SAMD3: variants seen among roughly 807,000 people sequenced by gnomAD.
SAMD3 encodes the protein sterile alpha motif domain containing 3.
A neutral mutation model predicts 58.5 loss-of-function variants in SAMD3; 63 were observed. The observed-to-expected ratio is 1.08, with a 90% CI of 0.88 to 1.33. The LOEUF is 1.33. SAMD3 is among the 40% of genes most tolerant of loss of function. SAMD3 has a pLI of 0.00. For missense variants in SAMD3, 604 were observed against 608.4 expected (o/e 0.99, Z 0.08); for synonymous variants, 220 against 210.3 (o/e 1.05, Z -0.40).
intron 2 of SAMD3, among the ~76,000 whole-genome samples, chr6:130,292,453 A>C (rs1386210191): frequency 6.8e-6 from 1 of 147,150 alleles, no homozygotes; most frequent in Admixed American, 6.8e-5. Flanking sequence ...TGCCCGGCTA[A>C]TTTTTGTATT....
intron 1 of SAMD3, among the ~76,000 whole-genome samples, chr6:130,331,905 G>A (rs939288015): frequency 6.6e-6 from 1 of 152,174 alleles, no homozygotes; most frequent in Non-Finnish European, 1.5e-5. Context: ...CCTGGACATC[G>A]AGGTGAAGTA....
At chr6:130,226,356 T>A (rs972607249), upstream of SAMD3, among the ~76,000 whole-genome samples, 1 of 152,226 alleles carries the variant, frequency 6.6e-6, no homozygotes. Context: ...GTTCTTATAG[T>A]ATTTCTAATC....
rs1423735345 is a variant in SAMD3, at chr6:130,153,662, A to ATATATATATATATATATT, written c.1023+1162_1023+1163insAATATATATATATATATA. On this transcript the variant is annotated intron_variant, in intron 9 of 11. Transcript: ENST00000439090. ...CATTAAATTTCATATATATATATAT[A>ATATATATATATATATATT]TATTTATTTATTTATTTATTTTTTA... Among the ~76,000 whole-genome samples, 3 of 131,266 alleles carry ATATATATATATATATATT rather than the reference A, an allele frequency of 2.3e-5. No homozygotes were observed. In the South Asian group the frequency reaches 7.7e-4, roughly 34 times the overall value. 86.1% of individuals were successfully genotyped at this position (131,266 alleles called of 152,430 possible).
At chr6:130,220,898 G>T (rs1003306630) in intron 1 of SAMD3, among the ~76,000 whole-genome samples, 1 of 151,874 alleles carries the variant, frequency 6.6e-6, no homozygotes, top group Non-Finnish European at 1.5e-5. Context: ...CTGTTGCCCA[G>T]GCTGGAGTGC....
chr6:130,149,587 T>G (rs185288445), intron 9 of SAMD3, among the ~76,000 whole-genome samples: 2 of 152,272 alleles, frequency 1.3e-5, no homozygotes, highest in East Asian at 3.9e-4. Flanking sequence ...TGGAGGCCAT[T>G]GTTCTAAGCA....
At chr6:130,308,365 A>ATTCTATTCTATTCTATTCT (rs1775988706) in intron 2 of SAMD3, among the ~76,000 whole-genome samples, 62 of 58,004 alleles carry the variant, frequency 1.1e-3, no homozygotes, top group Middle Eastern at 7.8e-3. Flanking sequence ...ATTCTATTCT[A>ATTCTATTCTATTCTATTCT]TTCTATTCTA....
chr6:130,193,474 C>T (rs1436353001), intron 5 of SAMD3, among the ~76,000 whole-genome samples: 2 of 151,842 alleles, frequency 1.3e-5, no homozygotes, highest in African/African-American at 4.8e-5. Context: ...TGTGCCCCAA[C>T]CCCTTATTTC....
intron 2 of SAMD3, among the ~76,000 whole-genome samples, chr6:130,254,946 T>C (rs529135248): frequency 6.6e-6 from 1 of 152,180 alleles, no homozygotes; most frequent in Admixed American, 6.5e-5. Context: ...TGCTTAAAAC[T>C]TTCCTCTTCA....
intron 2 of SAMD3, among the ~76,000 whole-genome samples, chr6:130,280,443 C>T (rs972910991): frequency 1.3e-5 from 2 of 152,184 alleles, no homozygotes; most frequent in Non-Finnish European, 2.9e-5. Context: ...GCCCTCTTCT[C>T]TTCTCTCACA....
At chr6:130,179,039 T>C (rs1390746554) in intron 7 of SAMD3, among the ~76,000 whole-genome samples, 4 of 151,842 alleles carry the variant, frequency 2.6e-5, no homozygotes, top group Non-Finnish European at 4.4e-5. Flanking sequence ...ACATTTTTTT[T>C]CCATATGTTT....
chr6:130,346,259 G>A (rs1236888644), intron 1 of SAMD3, among the ~76,000 whole-genome samples: 6 of 152,220 alleles, frequency 3.9e-5, no homozygotes, highest in Admixed American at 1.3e-4. Context: ...AGCATGAGCT[G>A]AAGCAGGGTG....
At chr6:130,151,860 T>C (rs1382027861) in intron 9 of SAMD3, among the ~76,000 whole-genome samples, 6 of 152,236 alleles carry the variant, frequency 3.9e-5, no homozygotes, top group Non-Finnish European at 8.8e-5. Flanking sequence ...AAGGATTTTT[T>C]GGAAAATTTG....
At chr6:130,332,593 A>T (rs1350393818) in intron 1 of SAMD3, among the ~76,000 whole-genome samples, 1 of 152,192 alleles carries the variant, frequency 6.6e-6, no homozygotes, top group Non-Finnish European at 1.5e-5. Flanking sequence ...AGCAAACAGA[A>T]AAGTGATGGT....
chr6:130,358,912 T>A (rs1777910183), intron 1 of SAMD3, among the ~76,000 whole-genome samples: 1 of 152,202 alleles, frequency 6.6e-6, no homozygotes, highest in Non-Finnish European at 1.5e-5. Context: ...GTAATTTAAG[T>A]AGTCTTTTAT....
At chr6:130,182,082 A>C (rs1170963644) in intron 7 of SAMD3, among the ~76,000 whole-genome samples, 2 of 151,936 alleles carry the variant, frequency 1.3e-5, no homozygotes, top group Non-Finnish European at 2.9e-5. Context: ...AAAAAAAAAA[A>C]AAAAACCACA....
At chr6:130,270,876 A>C (rs940968832) in intron 2 of SAMD3, among the ~76,000 whole-genome samples, 1 of 152,252 alleles carries the variant, frequency 6.6e-6, no homozygotes, top group African/African-American at 2.4e-5. Flanking sequence ...AACTGTATGA[A>C]TATATCTGTG....
chr6:130,354,076 T>C (rs1290260922), intron 1 of SAMD3, among the ~76,000 whole-genome samples: 1 of 152,008 alleles, frequency 6.6e-6, no homozygotes, highest in East Asian at 1.9e-4. Flanking sequence ...GAAAACAAGC[T>C]CAACATCACT....
chr6:130,257,923 G>T (rs1052780553), intron 2 of SAMD3, among the ~76,000 whole-genome samples: 1 of 152,090 alleles, frequency 6.6e-6, no homozygotes, highest in African/African-American at 2.4e-5. Flanking sequence ...AAAAATGGAA[G>T]TATACGATCC....
intron 8 of SAMD3, among the ~76,000 whole-genome samples, chr6:130,158,372 A>G (rs1789981687): frequency 6.6e-6 from 1 of 152,200 alleles, no homozygotes. Flanking sequence ...ACTAGCGGAA[A>G]ACAGCAGAGC....
Sources: allele counts gnomAD v4.1 joint callset (sites outside exome capture counted in the v4.1 genomes callset), GRCh38; gene constraint gnomAD v4.1.1; transcripts MANE v1.5; gene names NCBI Gene and HGNC (gene_info 2026-07-23, HGNC 2026-07-21).